The following SHANK2 variants were observed in gnomAD, a reference collection of about 807,000 sequenced individuals.
SHANK2 encodes SH3 and multiple ankyrin repeat domains protein 2.
In SHANK2, 43 loss-of-function variants were observed where a neutral mutation model predicts 133.7. That is an observed-to-expected ratio of 0.32 (90% CI 0.25 to 0.41). SHANK2 has a LOEUF of 0.41. Among genes scored for constraint, SHANK2 ranks in the 10% least tolerant of loss-of-function variants. The pLI is 1.00. For synonymous variants in SHANK2, 1,017 were observed against 952.8 expected (o/e 1.07, Z -1.24); for missense variants, 1,994 against 2,235.8 (o/e 0.89, Z 2.18).
At chr11:70,496,932 G>T (rs1555157252) in intron 21 of SHANK2, 2 of 456,552 alleles carry the variant, frequency 4.4e-6, no homozygotes. Context: ...GTCATTGAAG[G>T]TGCATCCCTG....
At chr11:70,729,683 C>G (rs150167014) in intron 14 of SHANK2, among the ~76,000 whole-genome samples, 3 of 151,608 alleles carry the variant, frequency 2.0e-5, no homozygotes. Context: ...CGCTACCACA[C>G]CCGGCTAATT....
chr11:71,120,018 C>G (rs139123156), intron 3 of SHANK2, among the ~76,000 whole-genome samples: 5 of 152,156 alleles, frequency 3.3e-5, no homozygotes, highest in Admixed American at 3.3e-4. Flanking sequence ...CCAAAGGACA[C>G]AGGAAAGCAA....
At chr11:70,490,533 T>C (rs1161415608) in intron 22 of SHANK2, 146 bp from the exon 23 acceptor site, 3 of 726,458 alleles carry the variant, frequency 4.1e-6, no homozygotes, top group Middle Eastern at 3.4e-4. Context: ...GTGGGGCTGA[T>C]GAGAACCACA....
intron 6 of SHANK2, among the ~76,000 whole-genome samples, chr11:71,103,880 T>TTC (rs782349499): frequency 6.5e-5 from 6 of 92,812 alleles, no homozygotes; most frequent in East Asian, 7.5e-4. Flanking sequence ...CCCCCCCTCT[T>TTC]TCTCTCTCTC....
At chr11:70,491,535 G>C (rs1043094590) in intron 22 of SHANK2, among the ~76,000 whole-genome samples, 1 of 152,242 alleles carries the variant, frequency 6.6e-6, no homozygotes, top group South Asian at 2.1e-4. Context: ...GAAAAGCCTT[G>C]TGGTAAATTT....
chr11:70,836,141 C>T (rs1327187460), intron 11 of SHANK2, among the ~76,000 whole-genome samples: 1 of 152,218 alleles, frequency 6.6e-6, no homozygotes, highest in African/African-American at 2.4e-5. Flanking sequence ...CATGGGGGGC[C>T]AGGGGAAGGC....
intron 2 of SHANK2, among the ~76,000 whole-genome samples, chr11:71,173,972 G>A (rs1953368796): frequency 6.6e-6 from 1 of 152,228 alleles, no homozygotes; most frequent in Admixed American, 6.5e-5. Flanking sequence ...CTGACCTCCA[G>A]AACTGTGGGA....
intron 15 of SHANK2, among the ~76,000 whole-genome samples, chr11:70,674,823 C>T (rs1408363747): frequency 6.6e-6 from 1 of 152,200 alleles, no homozygotes; most frequent in Non-Finnish European, 1.5e-5. Flanking sequence ...GGCTGTGTTC[C>T]AATAAAACTT....
intron 14 of SHANK2, among the ~76,000 whole-genome samples, chr11:70,738,146 T>C (rs1542154): frequency 5.3e-5 from 8 of 152,268 alleles, no homozygotes; most frequent in African/African-American, 1.7e-4. Flanking sequence ...CAACCATGCA[T>C]CGCACAAGAG....
At chr11:70,707,764 T>C (rs1945697192) in intron 14 of SHANK2, among the ~76,000 whole-genome samples, 1 of 152,194 alleles carries the variant, frequency 6.6e-6, no homozygotes, top group Admixed American at 6.5e-5. Flanking sequence ...TGGCTACTGT[T>C]GTCTGTCCAG....
At chr11:71,089,675 G>T (rs1490301592) in intron 8 of SHANK2, among the ~76,000 whole-genome samples, 1 of 152,120 alleles carries the variant, frequency 6.6e-6, no homozygotes, top group African/African-American at 2.4e-5. Flanking sequence ...GCTGGAAGTG[G>T]GTCAGGCGTG....
intron 4 of SHANK2, among the ~76,000 whole-genome samples, chr11:71,114,019 C>T (rs1213716501): frequency 6.6e-6 from 1 of 152,180 alleles, no homozygotes; most frequent in African/African-American, 2.4e-5. Context: ...CCTCCAGCCC[C>T]CCGCTTGGCT....
intron 10 of SHANK2, among the ~76,000 whole-genome samples, chr11:70,905,256 C>A (rs1555077692): frequency 1.3e-5 from 2 of 152,150 alleles, no homozygotes; most frequent in African/African-American, 4.8e-5. Context: ...ATCAGGCAAC[C>A]CCTTTCAAGA....
chr11:70,649,111 G>A (rs140166383), intron 17 of SHANK2, among the ~76,000 whole-genome samples: 31 of 152,276 alleles, frequency 2.0e-4, no homozygotes, highest in African/African-American at 5.8e-4. Flanking sequence ...CCTGGCACAC[G>A]TGCCATCTCC....
At chr11:71,141,501 CTT>C (rs1555105794) in intron 3 of SHANK2, among the ~76,000 whole-genome samples, 1 of 152,122 alleles carries the variant, frequency 6.6e-6, no homozygotes, top group African/African-American at 2.4e-5. Context: ...GAGCGAGACT[CTT>C]TCTCAAACAA....
chr11:70,521,496 A>C (rs1369369473), intron 17 of SHANK2, among the ~76,000 whole-genome samples: 6 of 152,242 alleles, frequency 3.9e-5, no homozygotes, highest in African/African-American at 1.4e-4. Flanking sequence ...CTCAATTCCA[A>C]AATTGAACCT....
chr11:71,135,581 G>A lies in SHANK2; in HGVS notation c.207+11539C>T, dbSNP rs185922243. On this transcript the variant is annotated intron_variant, in intron 3 of 25. Transcript: ENST00000601538. ...AGCTCACTGCAACCTCCACCTCCCAGGTTCAAGCAATTCTCGTGCCTCAGC... is the reference window on the plus strand; with the variant it reads ...AGCTCACTGCAACCTCCACCTCCCAAGTTCAAGCAATTCTCGTGCCTCAGC... 6.2e-4 allele frequency among the ~76,000 whole-genome samples: 93 copies of A among 150,112 alleles called. 1 individual carries two copies. In the East Asian group the frequency reaches 0.011, roughly 18 times the overall value.
intron 10 of SHANK2, among the ~76,000 whole-genome samples, chr11:70,899,779 C>T (rs1388417450): frequency 1.3e-5 from 2 of 152,182 alleles, no homozygotes; most frequent in East Asian, 1.9e-4. Flanking sequence ...GCCCACAGGC[C>T]CAGGCATCTC....
Position 70,776,434 on chromosome 11 carries a change from G to C in SHANK2, c.1777+22009C>G, listed in dbSNP as rs138541785. Among the ~76,000 whole-genome samples the C allele has an allele frequency of 1.2e-3, 187 of 152,254 alleles. 2 individuals are homozygous for C. The highest frequency in any genetic ancestry group is 4.3e-3 in the African/African-American group (179 of 41,534). The stretch of plus-strand genomic sequence containing the variant: ...AACTGATACCTTAACACTCTCTAGG[G>C]GCCAAAGACTCGAAGACAACCTGGC... On this transcript the variant is annotated intron_variant, in intron 14 of 25. Coordinates refer to ENST00000601538, the MANE Select transcript of SHANK2 (RefSeq NM_012309.5).
Sources: gnomAD v4.1 joint callset for allele counts (sites outside exome capture counted in the v4.1 genomes callset) on GRCh38, gnomAD v4.1.1 for gene constraint, MANE v1.5 for transcripts, NCBI Gene and HGNC (gene_info 2026-07-23, HGNC 2026-07-21) for gene names.